RAB5C: variants seen among roughly 807,000 people sequenced by gnomAD.
RAB5C encodes ras-related protein Rab-5C.
RAB5C carries 4 observed loss-of-function variants against 25.2 expected under a neutral mutation model. The ratio of observed to expected loss-of-function variants is 0.16; its 90% CI spans 0.08 to 0.36. RAB5C has a LOEUF of 0.36. Among genes scored for constraint, RAB5C ranks in the 10% least tolerant of loss-of-function variants. The pLI is 1.00. For missense variants in RAB5C, 199 were observed against 283.8 expected, an observed-to-expected ratio of 0.70 and a Z score of 2.15; for synonymous variants, 100 against 106.4, an observed-to-expected ratio of 0.94 and a Z score of 0.37.
intron 1 of RAB5C, among the ~76,000 whole-genome samples, chr17:42,138,592 C>G (rs1034342825): frequency 6.6e-5 from 10 of 152,202 alleles, no homozygotes; most frequent in African/African-American, 1.9e-4. Context: ...AGCACCCCCA[C>G]CTTCCTTAAC....
chr17:42,136,110 G>T (rs1333515079), intron 1 of RAB5C, among the ~76,000 whole-genome samples: 2 of 152,150 alleles, frequency 1.3e-5, no homozygotes, highest in East Asian at 3.8e-4. Flanking sequence ...AAAAACAACA[G>T]CAGAAAGGAG....
chr17:42,131,257 A>G (rs1236581525), intron 1 of RAB5C, among the ~76,000 whole-genome samples: 1 of 152,164 alleles, frequency 6.6e-6, no homozygotes, highest in Non-Finnish European at 1.5e-5. Context: ...GAATCAAAGC[A>G]ATGTTTCACT....
At chr17:42,145,375 C>G (rs2079629604) in intron 1 of RAB5C, among the ~76,000 whole-genome samples, 1 of 152,112 alleles carries the variant, frequency 6.6e-6, no homozygotes, top group African/African-American at 2.4e-5. Context: ...GCCAAGTGAT[C>G]ATGGTTGACA....
Position 42,130,583 on chromosome 17 carries a change from A to G in RAB5C, c.-81T>C, listed in dbSNP as rs752383662. 4.4e-6 allele frequency: 7 copies of G among 1,579,050 alleles called. No homozygotes were observed. In the South Asian group the frequency reaches 7.8e-5, roughly 18 times the overall value. ...AAAGAGGCACTTAGTGGGGAGGGGG[A>G]CCTCCAACTGTAAGGGAGAAATGAG... On this transcript the variant is annotated 5_prime_UTR_variant, in exon 2 of 6. Transcript: ENST00000346213.
At chr17:42,145,007 A>G (rs2079625664) in intron 1 of RAB5C, among the ~76,000 whole-genome samples, 2 of 141,086 alleles carry the variant, frequency 1.4e-5, no homozygotes, top group Admixed American at 7.6e-5. Flanking sequence ...TAAAAAAAAT[A>G]CAAAAAAATT....
At chr17:42,146,867 G>A (rs953796200) in intron 1 of RAB5C, among the ~76,000 whole-genome samples, 1 of 150,954 alleles carries the variant, frequency 6.6e-6, no homozygotes, top group Admixed American at 6.6e-5. Context: ...TTAGCCAAGC[G>A]TGGTGGCAGG....
At chr17:42,135,781 T>TA (rs1380636159) in intron 1 of RAB5C, among the ~76,000 whole-genome samples, 2 of 152,206 alleles carry the variant, frequency 1.3e-5, no homozygotes, top group Non-Finnish European at 2.9e-5. Context: ...TCCTTCCTGG[T>TA]AAAAGGGTGA....
At chr17:42,139,433 C>T (rs2088285153) in intron 1 of RAB5C, among the ~76,000 whole-genome samples, 2 of 152,228 alleles carry the variant, frequency 1.3e-5, no homozygotes, top group Non-Finnish European at 2.9e-5. Context: ...GGCCCAGTGT[C>T]TAACAGCACA....
rs1318363886 is a variant in RAB5C, at chr17:42,125,697, G to A, written c.*86C>T. 5 of 922,324 alleles carry A rather than the reference G, an allele frequency of 5.4e-6. No homozygotes were observed. Among genetic ancestry groups the A allele is most frequent in the African/African-American group, 3.3e-5 (2 of 61,142 alleles). The allele number at this position is 922,324 out of a possible 1,614,324, so 57.1% of individuals were successfully genotyped here. Reference sequence around the variant, plus strand: ...CCCCCTGCCCCCCCAGTGGTGGCCCGAGTCGTTAAGTGCGATTGGTTAGAG... The same window carrying A: ...CCCCCTGCCCCCCCAGTGGTGGCCCAAGTCGTTAAGTGCGATTGGTTAGAG... On this transcript the variant is annotated 3_prime_UTR_variant, in exon 6 of 6. Coordinates refer to ENST00000346213, the MANE Select transcript of RAB5C (RefSeq NM_004583.4).
intron 1 of RAB5C, among the ~76,000 whole-genome samples, chr17:42,137,142 CT>C (rs2054545001): frequency 6.6e-6 from 1 of 151,770 alleles, no homozygotes; most frequent in Non-Finnish European, 1.5e-5. Flanking sequence ...CCCGACTGTA[CT>C]AAAAATACAA....
chr17:42,153,283 G>A (rs781242644), intron 1 of RAB5C, among the ~76,000 whole-genome samples: 8 of 152,092 alleles, frequency 5.3e-5, no homozygotes, highest in Non-Finnish European at 1.0e-4. Context: ...GGGTGTGGTG[G>A]CAGGCGCCTG....
intron 1 of RAB5C, among the ~76,000 whole-genome samples, chr17:42,149,983 C>T (rs1400066800): frequency 1.3e-5 from 2 of 150,634 alleles, no homozygotes; most frequent in African/African-American, 4.9e-5. Flanking sequence ...GGTTGAACTG[C>T]CTCCCAGGTT....
chr17:42,144,976 A>G (rs1598256100), intron 1 of RAB5C, among the ~76,000 whole-genome samples: 3 of 124,684 alleles, frequency 2.4e-5, no homozygotes, highest in Admixed American at 9.7e-5. Context: ...AAAAAAAAAA[A>G]AAAAGAAACC....
rs532735598 is a variant in RAB5C, at chr17:42,148,633, A to T, written c.-89+6260T>A. 1.4e-4 allele frequency among the ~76,000 whole-genome samples: 21 copies of T among 152,352 alleles called. No individual in the cohort carries two copies. In the South Asian group the frequency reaches 4.1e-3, roughly 30 times the overall value. On this transcript the variant is annotated intron_variant, in intron 1 of 5. Transcript: ENST00000346213. ...AGGAACAATGAGATAGCAGTTGAGAAGACAGCCCATGTAGGAGACAAGCCC... is the reference window on the plus strand; with the variant it reads ...AGGAACAATGAGATAGCAGTTGAGATGACAGCCCATGTAGGAGACAAGCCC...
chr17:42,126,899 C>T (rs753217288), intron 4 of RAB5C, 51 bp from the exon 5 acceptor site: 1 of 1,106,526 alleles, frequency 9.0e-7, no homozygotes, highest in Non-Finnish European at 1.4e-6. Flanking sequence ...TGGCAGGGGC[C>T]AGGGCCCAGG....
rs10580000 is a variant in RAB5C, at chr17:42,140,484, AATATATATAT to A, written c.-88-9904_-88-9895del. On this transcript the variant is annotated intron_variant, in intron 1 of 5. Transcript: ENST00000346213. The stretch of plus-strand genomic sequence containing the variant: ...TGGGCACCAAAGAACAATATTTTAG[AATATATATAT>A]ATATATATATATATATATATATTTT... 2.4e-3 allele frequency among the ~76,000 whole-genome samples: 177 copies of A among 72,716 alleles called. 3 individuals are homozygous for A. The highest frequency in any genetic ancestry group is 0.024 in the Middle Eastern group (3 of 124). The allele number at this position is 72,716 out of a possible 152,430, so 47.7% of individuals were successfully genotyped here. A position where few individuals can be genotyped will look rare whatever the true frequency, so the allele number is the denominator to read the frequency against.
At chr17:42,143,695 AC>A (rs1598254981) in intron 1 of RAB5C, among the ~76,000 whole-genome samples, 2 of 152,160 alleles carry the variant, frequency 1.3e-5, no homozygotes, top group African/African-American at 4.8e-5. Flanking sequence ...AAAAATCCTC[AC>A]AATGACTAGG....
Position 42,154,271 on chromosome 17 carries a change from A to G in RAB5C, c.-89+622T>C, listed in dbSNP as rs550447631. Among the ~76,000 whole-genome samples, 4 of 152,334 alleles carry G rather than the reference A, an allele frequency of 2.6e-5. No individual in the cohort carries two copies. In the East Asian group the frequency reaches 7.7e-4, roughly 29 times the overall value. ...GACACTCAAAGAACAACATAACTAG[A>G]GGACAGGGCTGGGAGACAGAAGGGG... On this transcript the variant is annotated intron_variant, in intron 1 of 5. Transcript: ENST00000346213.
intron 1 of RAB5C, among the ~76,000 whole-genome samples, chr17:42,148,516 T>C (rs1239967007): frequency 6.6e-6 from 1 of 151,832 alleles, no homozygotes; most frequent in East Asian, 1.9e-4. Context: ...CCTACTATGC[T>C]GAGTGCCATG....
Sources: allele counts gnomAD v4.1 joint callset (sites outside exome capture counted in the v4.1 genomes callset), GRCh38; gene constraint gnomAD v4.1.1; transcripts MANE v1.5; gene names NCBI Gene and HGNC (gene_info 2026-07-23, HGNC 2026-07-21).